Variants in ZNF469 observed in about 807,000 individuals in gnomAD.
ZNF469 encodes zinc finger protein 469.
In ZNF469, 1 loss-of-function variant was observed where a neutral mutation model predicts 1.0. The observed-to-expected ratio is 1.00, with a 90% confidence interval of 0.35 to 4.73. ZNF469 has a LOEUF of 4.73. Ranked by LOEUF, ZNF469 falls within the 30% of genes most tolerant of loss-of-function variation. The pLI is 0.16. For missense variants in ZNF469, 6,100 were observed against 5,356.3 expected, an observed-to-expected ratio of 1.14 and a Z score of -4.33; for synonymous variants, 2,703 against 2,363.4, an observed-to-expected ratio of 1.14 and a Z score of -4.17.
At chr16:88,192,802 ATGG>A in the ZNF469 span, among the ~76,000 whole-genome samples, 39 of 148,702 alleles carry the variant, frequency 2.6e-4, no homozygotes, top group African/African-American at 3.7e-4. Flanking sequence ...GATGACAATG[ATGG>A]TAATGATGGT....
chr16:88,248,088 A>G, the ZNF469 span, among the ~76,000 whole-genome samples: 1 of 152,142 alleles, frequency 6.6e-6, no homozygotes, highest in African/African-American at 2.4e-5. Context: ...GCCAGGTCAG[A>G]GACAGATGAG....
At position 88,436,892 on chromosome 16, in the gene ZNF469, C is replaced by A; in HGVS notation, c.9422C>A (p.Pro3141Gln). Residue 3141 changes from proline to glutamine, a missense_variant, in exon 3 of 3, where the codon CCG becomes CAG. Physicochemically the swap from Pro to Gln is moderately conservative, Grantham distance 76 (BLOSUM62 -1). Coordinates refer to ENST00000565624, the MANE Select transcript of ZNF469 (RefSeq NM_001367624.2). ...CACAAGCTGGCCCACACGCCCGCGC[C>A]GCCGCCCACCTGCTACATGTGCGTG... ...DLHKLAHTPA[P>Q]PPTCYMCVER... The A allele has an allele frequency of 6.7e-7, 1 of 1,503,508 alleles. No individual in the cohort carries two copies. Among genetic ancestry groups the A allele is most frequent in the South Asian group, 1.3e-5 (1 of 79,344 alleles). The allele number at this position is 1,503,508 out of a possible 1,614,324, so 93.1% of individuals were successfully genotyped here.
At chr16:88,405,872 A>C (rs1905015584) in intron 1 of ZNF469, among the ~76,000 whole-genome samples, 2 of 152,352 alleles carry the variant, frequency 1.3e-5, no homozygotes, top group South Asian at 4.1e-4. Flanking sequence ...AAGCCTCTGC[A>C]GTTAGCAACA....
chr16:88,364,931 C>G, the ZNF469 span, among the ~76,000 whole-genome samples: 1 of 152,188 alleles, frequency 6.6e-6, no homozygotes. Flanking sequence ...CGCCACTGCA[C>G]TCCAGCCTGG....
the ZNF469 span, among the ~76,000 whole-genome samples, chr16:88,221,799 C>T: frequency 2.0e-5 from 3 of 152,218 alleles, no homozygotes; most frequent in Non-Finnish European, 4.4e-5. Flanking sequence ...TCCATCCGCT[C>T]CCAGCTGCTG....
chr16:88,114,898 AG>A, the ZNF469 span, among the ~76,000 whole-genome samples: 2 of 152,238 alleles, frequency 1.3e-5, no homozygotes, highest in African/African-American at 4.8e-5. Context: ...CACTGGAAAC[AG>A]GCCAGGGCGA....
chr16:88,242,861 T>G, the ZNF469 span, among the ~76,000 whole-genome samples: 1 of 152,188 alleles, frequency 6.6e-6, no homozygotes, highest in South Asian at 2.1e-4. Flanking sequence ...GGAGCACGCA[T>G]TCACCCCTGC....
At chr16:88,418,172 G>A (rs991264822) in intron 1 of ZNF469, among the ~76,000 whole-genome samples, 9 of 152,338 alleles carry the variant, frequency 5.9e-5, no homozygotes, top group South Asian at 2.1e-4. Flanking sequence ...GGCCCCAACC[G>A]GTGTGATGCC....
At chr16:88,116,103 G>C in the ZNF469 span, among the ~76,000 whole-genome samples, 1 of 152,208 alleles carries the variant, frequency 6.6e-6, no homozygotes, top group Non-Finnish European at 1.5e-5. Flanking sequence ...CTGGGGTCCA[G>C]ACTGTATAGA....
At chr16:88,268,360 G>C in the ZNF469 span, among the ~76,000 whole-genome samples, 1 of 152,022 alleles carries the variant, frequency 6.6e-6, no homozygotes, top group African/African-American at 2.4e-5. Context: ...ACTTGGTTCT[G>C]ATTTCAGTCG....
the ZNF469 span, among the ~76,000 whole-genome samples, chr16:88,290,283 C>G: frequency 2.0e-5 from 3 of 152,260 alleles, no homozygotes; most frequent in Non-Finnish European, 2.9e-5. Flanking sequence ...TGCCCTTGAT[C>G]TCAAAGTTGT....
the ZNF469 span, among the ~76,000 whole-genome samples, chr16:88,149,182 T>G: frequency 6.6e-6 from 1 of 152,166 alleles, no homozygotes; most frequent in Non-Finnish European, 1.5e-5. Flanking sequence ...CAGCTGATAT[T>G]GTGGAACTTC....
the ZNF469 span, among the ~76,000 whole-genome samples, chr16:88,150,407 T>G: frequency 2.6e-5 from 4 of 152,184 alleles, no homozygotes; most frequent in Non-Finnish European, 5.9e-5. Flanking sequence ...ACAGCTGTTT[T>G]TTGGTTTTTG....
the ZNF469 span, among the ~76,000 whole-genome samples, chr16:88,269,836 C>T: frequency 6.6e-6 from 1 of 152,174 alleles, no homozygotes; most frequent in East Asian, 1.9e-4. Flanking sequence ...CAGGAGTGTC[C>T]CCACCTTTTC....
At chr16:88,121,176 G>C in the ZNF469 span, among the ~76,000 whole-genome samples, 1 of 14,704 alleles carries the variant, frequency 6.8e-5, no homozygotes, top group African/African-American at 2.3e-4. Flanking sequence ...GTGGGGTGGG[G>C]GTTGGGGGGG....
the ZNF469 span, among the ~76,000 whole-genome samples, chr16:88,185,388 A>G: frequency 2.0e-5 from 3 of 152,048 alleles, no homozygotes; most frequent in Non-Finnish European, 4.4e-5. Flanking sequence ...GTGTGCAGAG[A>G]ACACACACAC....
the ZNF469 span, among the ~76,000 whole-genome samples, chr16:88,195,639 G>A: frequency 0.037 from 5,620 of 152,308 alleles, 136 homozygotes; most frequent in Admixed American, 0.067. Context: ...AACAGTCCTC[G>A]AGAGGGCATG....
upstream of ZNF469, among the ~76,000 whole-genome samples, chr16:88,382,335 G>A (rs904709033): frequency 6.6e-6 from 1 of 152,214 alleles, no homozygotes; most frequent in South Asian, 2.1e-4. Context: ...ACAAATGACC[G>A]GTAAGGGCCT....
intron 1 of ZNF469, among the ~76,000 whole-genome samples, chr16:88,401,515 G>GTGCATGGATGGATGGT (rs1904855187): frequency 1.7e-5 from 2 of 120,616 alleles, no homozygotes; most frequent in Non-Finnish European, 3.8e-5. Context: ...GGATGGGTGA[G>GTGCATGGATGGATGGT]TGGATGGATG....
Sources: allele counts gnomAD v4.1 joint callset (sites outside exome capture counted in the v4.1 genomes callset), GRCh38; gene constraint gnomAD v4.1.1; transcripts MANE v1.5; gene names NCBI Gene and HGNC (gene_info 2026-07-23, HGNC 2026-07-21).